MYBL2: variants seen among roughly 807,000 people sequenced by gnomAD.
MYBL2 encodes the protein myb-related protein B.
Under a neutral mutation model 79.9 loss-of-function variants are expected in MYBL2, and 28 were observed. The ratio of observed to expected loss-of-function variants is 0.35; its 90% CI spans 0.26 to 0.48. The LOEUF is 0.48. Ranked by LOEUF, MYBL2 falls within the 20% of genes least tolerant of loss-of-function variation. The pLI is 0.99. For missense variants in MYBL2, 735 were observed against 893.9 expected (o/e 0.82, Z 2.27); for synonymous variants, 378 against 361.2 (o/e 1.05, Z -0.53).
intron 6 of MYBL2, among the ~76,000 whole-genome samples, chr20:43,693,854 C>G (rs781381112): frequency 6.6e-6 from 1 of 151,822 alleles, no homozygotes; most frequent in Non-Finnish European, 1.5e-5. Context: ...AGTTTAAGAC[C>G]AGCTTGGGCA....
chr20:43,673,615 G>T, intron 1 of MYBL2, 191 bp from the exon 2 acceptor site: 1 of 673,740 alleles, frequency 1.5e-6, no homozygotes, highest in Non-Finnish European at 2.7e-6. Flanking sequence ...TTCCAGCCCA[G>T]TGACAGAGTG....
rs1438631286 is a variant in MYBL2 at position 43,702,711 on chromosome 20, C to T, written c.1173C>T (p.Pro391=). ...LSRSSRGELI[P]ISPSTEVGGS... ...GGAGCAGCCGGGGCGAGCTGATCCC[C>T]ATCTCCCCCAGCACTGAAGTCGGGG... Residue 391 remains proline, a synonymous_variant, in exon 8 of 14, where the codon CCC becomes CCT. Coordinates refer to ENST00000217026, the MANE Select transcript of MYBL2 (RefSeq NM_002466.4). The T allele has an allele frequency of 1.2e-6, 2 of 1,613,686 alleles. No individual in the cohort carries two copies. Among genetic ancestry groups the T allele is most frequent in the Non-Finnish European group, 1.7e-6 (2 of 1,179,740 alleles).
chr20:43,691,842 ATTT>A (rs879641028), intron 5 of MYBL2, among the ~76,000 whole-genome samples: 1 of 142,764 alleles, frequency 7.0e-6, no homozygotes, highest in African/African-American at 2.6e-5. Context: ...GCACTCGGCA[ATTT>A]TTTTTTTTTT....
At chr20:43,687,751 C>T (rs1568859155) in intron 5 of MYBL2, among the ~76,000 whole-genome samples, 1 of 152,072 alleles carries the variant, frequency 6.6e-6, no homozygotes, top group African/African-American at 2.4e-5. Flanking sequence ...CATGGTGGCT[C>T]ATGCCTGTAA....
rs753050936 is a variant in MYBL2 at position 43,715,268 on chromosome 20, C to A, written c.1959C>A (p.Phe653Leu). 2.5e-6 allele frequency: 4 copies of A among 1,614,232 alleles called. No individual in the cohort carries two copies. The highest frequency in any genetic ancestry group is 3.4e-6 in the Non-Finnish European group (4 of 1,180,044). ...TGGCCCAGAAGCCCCGAAGCCACTTCACGACACCTGCCCCTGTGAGTGCTG... is the reference window on the plus strand; with the variant it reads ...TGGCCCAGAAGCCCCGAAGCCACTTAACGACACCTGCCCCTGTGAGTGCTG... ...AAVAQKPRSH[F>L]TTPAPMSSAW... Residue 653 changes from phenylalanine to leucine, a missense_variant, in exon 13 of 14, where the codon TTC becomes TTA. Around this residue, in one of 5 missense-constraint regions of MYBL2, gnomAD observed 204 missense variants for 202.9 expected, o/e 1.01. Transcript: ENST00000217026.
At chr20:43,669,104 G>A (rs6031026) in intron 1 of MYBL2, among the ~76,000 whole-genome samples, 113 of 152,354 alleles carry the variant, frequency 7.4e-4, no homozygotes, top group African/African-American at 2.6e-3. Flanking sequence ...CTCACAGAGT[G>A]CTAGGATTAC....
intron 8 of MYBL2, 56 bp from the exon 9 acceptor site, chr20:43,705,163 C>T (rs935028805): frequency 7.5e-6 from 12 of 1,593,372 alleles, no homozygotes; most frequent in Non-Finnish European, 8.6e-6. Flanking sequence ...CCTGAGGTCT[C>T]AGGGATACTC....
chr20:43,715,221 G>T lies in MYBL2; in HGVS notation c.1912G>T (p.Ala638Ser). 6.2e-7 allele frequency: 1 copy of T among 1,614,234 alleles called. No individual in the cohort carries two copies. Among genetic ancestry groups the T allele is most frequent in the South Asian group, 1.1e-5 (1 of 91,084 alleles). Residue 638 changes from alanine to serine, a missense_variant, in exon 13 of 14, where the codon GCC (alanine) becomes TCC (serine). Ala to Ser is a moderately conservative substitution (Grantham distance 99). Coordinates refer to ENST00000217026, the MANE Select transcript of MYBL2 (RefSeq NM_002466.4). The part of the protein sequence containing the change: ...NSLLNQGFLQ[A>S]KPEKAAVAQK... ...CTTGCTCAACCAGGGCTTCTTGCAG[G>T]CCAAGCCCGAGAAGGCAGCAGTGGC... is the stretch of plus-strand genomic sequence containing the variant.
intron 5 of MYBL2, among the ~76,000 whole-genome samples, chr20:43,690,807 C>T (rs887373532): frequency 6.6e-6 from 1 of 152,142 alleles, no homozygotes; most frequent in Non-Finnish European, 1.5e-5. Flanking sequence ...TGGTCTTGAA[C>T]TCCTGACCTC....
chr20:43,712,709 G>A (rs908054247), intron 11 of MYBL2, among the ~76,000 whole-genome samples: 17 of 152,078 alleles, frequency 1.1e-4, no homozygotes, highest in African/African-American at 3.4e-4. Flanking sequence ...TGGTCCATTC[G>A]GGGTGAGAAC....
chr20:43,677,983 T>G (rs1260398168), intron 2 of MYBL2, among the ~76,000 whole-genome samples: 1 of 152,230 alleles, frequency 6.6e-6, no homozygotes, highest in Non-Finnish European at 1.5e-5. Context: ...TGCCTTGGGA[T>G]CCTGTTGATC....
intron 2 of MYBL2, among the ~76,000 whole-genome samples, chr20:43,681,396 C>T (rs569940406): frequency 3.9e-5 from 6 of 152,310 alleles, no homozygotes; most frequent in Non-Finnish European, 7.4e-5. Context: ...ACTGATGCTG[C>T]GAATGGTCTG....
chr20:43,681,192 C>T (rs899659003), intron 2 of MYBL2, among the ~76,000 whole-genome samples: 2 of 152,154 alleles, frequency 1.3e-5, no homozygotes, highest in African/African-American at 4.8e-5. Context: ...AGACCTCCAG[C>T]TTCTAGTGCT....
Position 43,669,681 on chromosome 20 carries a change from A to G in MYBL2, c.20+2378A>G, listed in dbSNP as rs539083572. ...GAAGGTTCAGAGCCTGGCTCTATGA[A>G]CTTGGCAGGTGGCCTCACCCCTCTG... On this transcript the variant is annotated intron_variant, in intron 1 of 13. Transcript: ENST00000217026. 7.2e-5 allele frequency among the ~76,000 whole-genome samples: 11 copies of G among 152,250 alleles called. No individual in the cohort carries two copies. In the East Asian group the frequency reaches 1.9e-3, roughly 27 times the overall value.
intron 13 of MYBL2, 118 bp downstream of exon 13, chr20:43,715,401 A>ATAGGCTGTTCCTCTGCC: frequency 6.7e-7 from 1 of 1,503,312 alleles, no homozygotes. Flanking sequence ...GGGCCTTTGC[A>ATAGGCTGTTCCTCTGCC]TAGGCTGTTC....
chr20:43,680,701 G>A (rs773684040), intron 2 of MYBL2, among the ~76,000 whole-genome samples: 2 of 152,034 alleles, frequency 1.3e-5, no homozygotes, highest in African/African-American at 4.8e-5. Context: ...CGCCATATTG[G>A]CCAGGCTGGT....
rs750702560 is a variant in MYBL2, at chr20:43,702,828, G to C, written c.1290G>C (p.Leu430=). 6.2e-7 allele frequency: 1 copy of C among 1,613,824 alleles called. No homozygotes were observed. Among genetic ancestry groups the C allele is most frequent in the East Asian group, 2.2e-5 (1 of 44,872 alleles). ...CTGTCACTGAGAATAGCACCAGTCT[G>C]TCCTTCCTGGATTCCTGTAACAGCC... is the stretch of plus-strand genomic sequence containing the variant. ...LSPVTENSTS[L]SFLDSCNSLT... is the part of the protein sequence containing the mutation. The change falls in exon 8 of 14, where the codon CTG becomes CTC. Residue 430 remains leucine (L), a synonymous_variant. Transcript: ENST00000217026.
chr20:43,677,019 C>T (rs1987026880), intron 2 of MYBL2, among the ~76,000 whole-genome samples: 1 of 152,184 alleles, frequency 6.6e-6, no homozygotes, highest in Non-Finnish European at 1.5e-5. Flanking sequence ...GTTGGGATTA[C>T]AGGCAGAAGC....
intron 2 of MYBL2, among the ~76,000 whole-genome samples, chr20:43,681,524 C>T (rs1400442370): frequency 1.3e-5 from 2 of 152,190 alleles, no homozygotes; most frequent in African/African-American, 4.8e-5. Context: ...CACCACGTAC[C>T]TCTCCATATC....
Sources: gnomAD v4.1 joint callset for allele counts (sites outside exome capture counted in the v4.1 genomes callset) on GRCh38, gnomAD v4.1.1 for gene constraint, gnomAD v4.1.1 regional missense constraint, MANE v1.5 for transcripts, NCBI Gene and HGNC (gene_info 2026-07-23, HGNC 2026-07-21) for gene names.